Variants in GALNT17 observed in about 807,000 individuals in gnomAD.
GALNT17 encodes the protein UDP-GalNAc:polypeptide N-acetylgalactosaminyltransferase-like 3.
A neutral mutation model predicts 63.7 loss-of-function variants in GALNT17; 29 were observed. The observed-to-expected ratio is 0.46, with a 90% CI of 0.34 to 0.62. GALNT17 has a LOEUF of 0.62. Among genes scored for constraint, GALNT17 ranks in the 20% least tolerant of loss-of-function variants. The pLI is 0.01. For synonymous variants in GALNT17, 305 were observed against 318.3 expected (o/e 0.96, Z 0.45); for missense variants, 603 against 799.6 (o/e 0.75, Z 2.97).
chr7:71,424,231 G>T (rs1003130801), intron 5 of GALNT17, among the ~76,000 whole-genome samples: 1 of 152,322 alleles, frequency 6.6e-6, no homozygotes, highest in African/African-American at 2.4e-5. Flanking sequence ...TTGACCTTCA[G>T]ATCTCAAAGG....
intron 1 of GALNT17, among the ~76,000 whole-genome samples, chr7:71,166,897 GT>G (rs914993559): frequency 6.6e-6 from 1 of 151,502 alleles, no homozygotes; most frequent in Non-Finnish European, 1.5e-5. Flanking sequence ...GTATTTAACT[GT>G]TTTTTTTAAA....
At chr7:71,586,836 A>G (rs77952151) in intron 6 of GALNT17, among the ~76,000 whole-genome samples, 1 of 152,098 alleles carries the variant, frequency 6.6e-6, no homozygotes, top group East Asian at 1.9e-4. Context: ...AGATATTTAT[A>G]GTCATAAATA....
At chr7:71,486,872 A>C (rs1024421852) in intron 5 of GALNT17, among the ~76,000 whole-genome samples, 1 of 151,882 alleles carries the variant, frequency 6.6e-6, no homozygotes, top group Non-Finnish European at 1.5e-5. Context: ...AAAAAAAAAA[A>C]ACAAAAAAAA....
At chr7:71,295,115 T>A (rs1791054268) in intron 1 of GALNT17, among the ~76,000 whole-genome samples, 1 of 152,158 alleles carries the variant, frequency 6.6e-6, no homozygotes, top group Non-Finnish European at 1.5e-5. Context: ...GAGGATACAC[T>A]TTCTATATGG....
intron 1 of GALNT17, among the ~76,000 whole-genome samples, chr7:71,196,364 T>A (rs1402905246): frequency 6.6e-6 from 1 of 152,166 alleles, no homozygotes; most frequent in Non-Finnish European, 1.5e-5. Flanking sequence ...GGTCTTGAAC[T>A]CCTGACCTCA....
intron 9 of GALNT17, among the ~76,000 whole-genome samples, chr7:71,699,475 CAA>C (rs35825722): frequency 9.3e-5 from 9 of 97,002 alleles, no homozygotes; most frequent in African/African-American, 2.8e-4. Flanking sequence ...GACTCTGTCT[CAA>C]AAAAAAAAAA....
At chr7:71,289,922 G>A (rs1385630212) in intron 1 of GALNT17, among the ~76,000 whole-genome samples, 1 of 151,156 alleles carries the variant, frequency 6.6e-6, no homozygotes, top group Non-Finnish European at 1.5e-5. Context: ...GCACGCACCT[G>A]TAGTCCCAGC....
chr7:71,302,830 G>GAT (rs762391350), intron 1 of GALNT17, among the ~76,000 whole-genome samples: 37 of 152,142 alleles, frequency 2.4e-4, no homozygotes, highest in Middle Eastern at 3.2e-3. Context: ...AACATACTAT[G>GAT]ATAGCTTCAG....
chr7:71,684,737 G>A (rs1383961421), intron 9 of GALNT17, among the ~76,000 whole-genome samples: 2 of 152,028 alleles, frequency 1.3e-5, no homozygotes, highest in Non-Finnish European at 1.5e-5. Context: ...ATCATAGCTC[G>A]CTGCAGCCTC....
intron 1 of GALNT17, among the ~76,000 whole-genome samples, chr7:71,329,773 C>A (rs1414273750): frequency 2.0e-5 from 3 of 151,900 alleles, no homozygotes; most frequent in African/African-American, 7.3e-5. Context: ...TAGTCACCTC[C>A]CATCAGGTCC....
At chr7:71,503,046 C>G (rs1788205757) in intron 5 of GALNT17, among the ~76,000 whole-genome samples, 1 of 152,100 alleles carries the variant, frequency 6.6e-6, no homozygotes, top group African/African-American at 2.4e-5. Flanking sequence ...CACTGTATTA[C>G]CCTCATCTGG....
intron 5 of GALNT17, among the ~76,000 whole-genome samples, chr7:71,535,307 G>C (rs998937748): frequency 2.0e-5 from 3 of 152,146 alleles, no homozygotes; most frequent in Admixed American, 6.6e-5. Context: ...ATTTTCTTCT[G>C]CATTTTCATC....
intron 1 of GALNT17, among the ~76,000 whole-genome samples, chr7:71,148,858 T>TA (rs1788075671): frequency 9.8e-5 from 9 of 91,914 alleles, no homozygotes; most frequent in African/African-American, 3.1e-4. Context: ...ATTATGGTAT[T>TA]TTTATATATA....
At chr7:71,356,792 A>C (rs534766898) in intron 2 of GALNT17, among the ~76,000 whole-genome samples, 1 of 151,882 alleles carries the variant, frequency 6.6e-6, no homozygotes, top group East Asian at 1.9e-4. Context: ...GCATATATAT[A>C]TATTTTTTAG....
At chr7:71,321,908 T>C (rs1791617831) in intron 1 of GALNT17, among the ~76,000 whole-genome samples, 1 of 94,478 alleles carries the variant, frequency 1.1e-5, no homozygotes, top group Non-Finnish European at 2.3e-5. Context: ...CCTTCCTTCC[T>C]TCCTTCCTTC....
rs1462507726 is a variant in GALNT17 at position 71,711,305 on chromosome 7, A to G, written c.1668+377A>G. 6.1e-5 allele frequency among the ~76,000 whole-genome samples: 7 copies of G among 115,206 alleles called. No individual in the cohort carries two copies. The East Asian group carries it at 1.7e-3, about 28-fold the overall frequency. 75.6% of individuals were successfully genotyped at this position (115,206 alleles called of 152,430 possible). On this transcript the variant is annotated intron_variant, in intron 10 of 10. Coordinates refer to ENST00000333538, the MANE Select transcript of GALNT17 (RefSeq NM_022479.3). ...CTGACCCCATCCCCCACCCCCCACCAACGCTCCTCACCTGATTCAGATACT... is the reference window on the plus strand; with the variant it reads ...CTGACCCCATCCCCCACCCCCCACCGACGCTCCTCACCTGATTCAGATACT...
At chr7:71,593,420 G>C (rs573822549) in intron 6 of GALNT17, among the ~76,000 whole-genome samples, 2 of 151,574 alleles carry the variant, frequency 1.3e-5, no homozygotes, top group African/African-American at 4.8e-5. Flanking sequence ...TGCGTGCCAC[G>C]ACACCCAGCT....
At chr7:71,468,508 C>T (rs934055475) in intron 5 of GALNT17, among the ~76,000 whole-genome samples, 4 of 152,084 alleles carry the variant, frequency 2.6e-5, no homozygotes, top group Admixed American at 2.6e-4. Flanking sequence ...CCTCCATCTC[C>T]CAGGTTCAAG....
intron 5 of GALNT17, among the ~76,000 whole-genome samples, chr7:71,552,123 C>A (rs965704010): frequency 6.6e-6 from 1 of 151,958 alleles, no homozygotes; most frequent in African/African-American, 2.4e-5. Flanking sequence ...TGGGCCACTG[C>A]AACCTCCACC....
Sources: allele counts gnomAD v4.1 joint callset (sites outside exome capture counted in the v4.1 genomes callset), GRCh38; gene constraint gnomAD v4.1.1; transcripts MANE v1.5; gene names NCBI Gene and HGNC (gene_info 2026-07-23, HGNC 2026-07-21).